NELL2: variants seen among roughly 807,000 people sequenced by gnomAD.
NELL2 encodes the protein neural EGFL like 2.
NELL2 carries 41 observed loss-of-function variants against 109.6 expected under a neutral mutation model. The ratio of observed to expected loss-of-function variants is 0.37; its 90% confidence interval spans 0.29 to 0.49. The LOEUF (loss-of-function observed/expected upper bound fraction) is 0.49, where lower values mean the gene tolerates loss of function less well. Ranked by LOEUF, NELL2 falls within the 20% of genes least tolerant of loss-of-function variation. The pLI, the probability that NELL2 is intolerant of heterozygous loss-of-function variation, is 0.98. For synonymous variants in NELL2, 355 were observed against 344.7 expected, an observed-to-expected ratio of 1.03 and a Z score of -0.33; for missense variants, 900 against 1,008.3, an observed-to-expected ratio of 0.89 and a Z score of 1.45.
chr12:44,577,875 C>T (rs1032848681), intron 15 of NELL2, among the ~76,000 whole-genome samples: 5 of 152,030 alleles, frequency 3.3e-5, no homozygotes, highest in Admixed American at 6.5e-5. Flanking sequence ...ACATGTGGCC[C>T]GATCAATTCT....
At chr12:44,599,438 T>C (rs1945113280) in intron 15 of NELL2, among the ~76,000 whole-genome samples, 2 of 151,894 alleles carry the variant, frequency 1.3e-5, no homozygotes, top group Admixed American at 6.6e-5. Context: ...AATTAAAAAG[T>C]TATTAAAATT....
intron 9 of NELL2, among the ~76,000 whole-genome samples, chr12:44,720,004 G>T (rs1339436982): frequency 6.7e-6 from 1 of 149,488 alleles, no homozygotes; most frequent in African/African-American, 2.4e-5. Flanking sequence ...GCTCCAATCA[G>T]CTATGCTGCA....
chr12:44,679,635 G>C (rs1365665289), intron 12 of NELL2, among the ~76,000 whole-genome samples: 1 of 152,060 alleles, frequency 6.6e-6, no homozygotes, highest in African/African-American at 2.4e-5. Context: ...TTAGTGTCTG[G>C]TAAATCCAGC....
At chr12:44,734,459 A>C (rs1939534281) in intron 9 of NELL2, among the ~76,000 whole-genome samples, 1 of 151,890 alleles carries the variant, frequency 6.6e-6, no homozygotes, top group Admixed American at 6.6e-5. Flanking sequence ...GTCTATGTAT[A>C]TTTAACAACA....
intron 1 of NELL2, among the ~76,000 whole-genome samples, chr12:44,888,054 A>G (rs1464232901): frequency 2.0e-5 from 3 of 152,002 alleles, no homozygotes; most frequent in African/African-American, 7.3e-5. Flanking sequence ...TCTTCTGCAT[A>G]TGTTTACCCA....
chr12:44,731,910 G>A (rs1166276148), intron 9 of NELL2, among the ~76,000 whole-genome samples: 1 of 151,958 alleles, frequency 6.6e-6, no homozygotes, highest in Non-Finnish European at 1.5e-5. Context: ...ACGAAAATTG[G>A]TTGTGCGCCT....
upstream of NELL2, among the ~76,000 whole-genome samples, chr12:44,915,131 G>A (rs1945819119): frequency 6.6e-6 from 1 of 152,156 alleles, no homozygotes; most frequent in Non-Finnish European, 1.5e-5. Context: ...GATTACTGGC[G>A]TGAGCCACCG....
chr12:44,896,988 C>A (rs1488551397), intron 1 of NELL2, among the ~76,000 whole-genome samples: 1 of 152,132 alleles, frequency 6.6e-6, no homozygotes, highest in African/African-American at 2.4e-5. Flanking sequence ...CGAAGGGGAA[C>A]TTTAAAATGT....
rs763145958 is a variant in NELL2, at chr12:44,776,006, C to G, written c.891+16G>C. On this transcript the variant is annotated intron_variant, in intron 8 of 19. Coordinates refer to ENST00000429094, the MANE Select transcript of NELL2 (RefSeq NM_001145108.2). ...CATCTGAGTTCCCTTAGTCTCAACTCAAATAGAAGCCATACCAGGCATGTG... is the reference window on the plus strand; with the variant it reads ...CATCTGAGTTCCCTTAGTCTCAACTGAAATAGAAGCCATACCAGGCATGTG... 2.5e-6 allele frequency: 4 copies of G among 1,609,128 alleles called. No homozygotes were observed. Among genetic ancestry groups the G allele is most frequent in the Non-Finnish European group, 8.5e-7 (1 of 1,178,522 alleles).
At chr12:44,676,202 G>A (rs773429885) in intron 12 of NELL2, among the ~76,000 whole-genome samples, 14 of 152,130 alleles carry the variant, frequency 9.2e-5, no homozygotes, top group Admixed American at 2.0e-4. Flanking sequence ...GTGAAATACT[G>A]GCTGGCAAAG....
chr12:44,796,662 A>T (rs541193986), intron 3 of NELL2, among the ~76,000 whole-genome samples: 1 of 152,248 alleles, frequency 6.6e-6, no homozygotes, highest in East Asian at 1.9e-4. Context: ...ACACTACTAC[A>T]AAAGTTTTGT....
chr12:44,788,706 G>A (rs968744356), intron 3 of NELL2, among the ~76,000 whole-genome samples: 1 of 152,172 alleles, frequency 6.6e-6, no homozygotes, highest in Non-Finnish European at 1.5e-5. Context: ...AGACTCCATA[G>A]GTGGGGAAAG....
chr12:44,874,417 T>G (rs1455258826), intron 2 of NELL2, among the ~76,000 whole-genome samples: 1 of 152,202 alleles, frequency 6.6e-6, no homozygotes. Context: ...TTACGGCAAC[T>G]TTCCACAAAC....
intron 9 of NELL2, among the ~76,000 whole-genome samples, chr12:44,740,448 T>C (rs555372206): frequency 6.6e-6 from 1 of 152,244 alleles, no homozygotes; most frequent in East Asian, 1.9e-4. Flanking sequence ...TAGCATGAAA[T>C]GACAAATTTT....
intron 12 of NELL2, among the ~76,000 whole-genome samples, chr12:44,697,656 A>G (rs1949106162): frequency 6.6e-6 from 1 of 152,230 alleles, no homozygotes; most frequent in Non-Finnish European, 1.5e-5. Flanking sequence ...TAAAAAGAGA[A>G]CATGAGAAAG....
intron 13 of NELL2, among the ~76,000 whole-genome samples, chr12:44,639,667 C>T (rs1946779445): frequency 6.6e-6 from 1 of 152,026 alleles, no homozygotes; most frequent in Non-Finnish European, 1.5e-5. Context: ...GAATTACCAC[C>T]ATCTATTGTC....
Position 44,867,664 on chromosome 12 carries a change from T to C in NELL2, c.184+7561A>G, listed in dbSNP as rs143368250. On this transcript the variant is annotated intron_variant, in intron 2 of 19. Coordinates refer to ENST00000429094, the MANE Select transcript of NELL2 (RefSeq NM_001145108.2). ...GAGAAAGAAATAAAAGGCATCAAAA[T>C]TGGGAAGGAAGAGGTTAACTTATCC... 2.2e-3 allele frequency among the ~76,000 whole-genome samples: 334 copies of C among 152,264 alleles called. 1 individual carries two copies. The highest frequency in any genetic ancestry group is 7.0e-3 in the African/African-American group (290 of 41,550).
In NELL2 at chr12:44,644,604, GTATGTA is replaced by G. The variant is rs1175250715; in HGVS notation, c.1444+20874_1444+20879del. ...AGTATATATATATATATATATATAT[GTATGTA>G]TATATATATATATATACATACATAT... On this transcript the variant is annotated intron_variant, in intron 13 of 19. Transcript: ENST00000429094. Among the ~76,000 whole-genome samples the G allele has an allele frequency of 2.5e-5, 2 of 81,274 alleles. 1 individual carries two copies. Among genetic ancestry groups the G allele is most frequent in the African/African-American group, 1.1e-4 (2 of 17,896 alleles). 53.3% of individuals were successfully genotyped at this position (81,274 alleles called of 152,430 possible). A position where few individuals can be genotyped will look rare whatever the true frequency, so the allele number is the denominator to read the frequency against.
Position 44,836,715 on chromosome 12 carries a change from T to C in NELL2, c.185-20579A>G, listed in dbSNP as rs115113041. Among the ~76,000 whole-genome samples, 913 of 152,302 alleles carry C rather than the reference T, an allele frequency of 6.0e-3. 12 individuals carry two copies. The highest frequency in any genetic ancestry group is 0.02 in the African/African-American group (843 of 41,564). ...AAACTTCCTCAAATTCAAAGTATGC[T>C]TGGAGAGATTAGCAATATCTGCTCA... On this transcript the variant is annotated intron_variant, in intron 2 of 19. Transcript: ENST00000429094.
Sources: gnomAD v4.1 joint callset for allele counts (sites outside exome capture counted in the v4.1 genomes callset) on GRCh38, gnomAD v4.1.1 for gene constraint, MANE v1.5 for transcripts, NCBI Gene and HGNC (gene_info 2026-07-23, HGNC 2026-07-21) for gene names.